The following MTAP variants were observed in gnomAD, a reference collection of about 807,000 sequenced individuals.
MTAP encodes the protein S-methyl-5'-thioadenosine phosphorylase.
In MTAP, 33 loss-of-function variants were observed where a neutral mutation model predicts 33.6. The observed-to-expected ratio is 0.98, with a 90% CI of 0.74 to 1.31. MTAP has a LOEUF of 1.31. MTAP is among the 40% of genes most tolerant of loss of function. MTAP has a pLI of 0.00. For synonymous variants in MTAP, 148 were observed against 125.7 expected (o/e 1.18, Z -1.19); for missense variants, 367 against 360.0 (o/e 1.02, Z -0.16).
chr9:21,939,827 G>T (rs1819105868), downstream of MTAP, among the ~76,000 whole-genome samples: 1 of 152,056 alleles, frequency 6.6e-6, no homozygotes, highest in Non-Finnish European at 1.5e-5. Flanking sequence ...AGGCTGAAGT[G>T]ATCTGAGATT....
chr9:21,825,398 T>G (rs1391876057), intron 4 of MTAP, among the ~76,000 whole-genome samples: 1 of 152,224 alleles, frequency 6.6e-6, no homozygotes, highest in East Asian at 1.9e-4. Context: ...TGAGATGGGA[T>G]TCTTGGATCA....
intron 1 of MTAP, among the ~76,000 whole-genome samples, chr9:21,900,948 T>C (rs773507817): frequency 2.6e-5 from 4 of 152,194 alleles, no homozygotes; most frequent in African/African-American, 4.8e-5. Context: ...TTCTCACTTA[T>C]AAGTAGAAGC....
chr9:21,875,501 A>G (rs1825993074), intron 1 of MTAP, among the ~76,000 whole-genome samples: 2 of 152,066 alleles, frequency 1.3e-5, no homozygotes, highest in Admixed American at 1.3e-4. Context: ...GCCCTTTGTC[A>G]GGTGGGTAGA....
At chr9:21,806,896 G>T (rs146986573) in intron 1 of MTAP, among the ~76,000 whole-genome samples, 166 of 152,202 alleles carry the variant, frequency 1.1e-3, no homozygotes, top group African/African-American at 3.7e-3. Context: ...AGGCGCGGTG[G>T]CTCATGCCTG....
intron 1 of MTAP, among the ~76,000 whole-genome samples, chr9:21,875,159 G>A (rs1366984986): frequency 1.3e-5 from 2 of 152,142 alleles, no homozygotes; most frequent in Admixed American, 6.5e-5. Context: ...TGTCTTTATA[G>A]TAGAATGATT....
chr9:21,859,066 A>G, intron 6 of MTAP: 2 of 377,760 alleles, frequency 5.3e-6, no homozygotes, highest in Non-Finnish European at 9.3e-6. Context: ...GAAGAATAGC[A>G]CTGGGGCCTC....
chr9:21,892,605 C>T (rs1818218126), intron 1 of MTAP: 1 of 152,178 alleles, frequency 6.6e-6, no homozygotes, highest in African/African-American at 2.4e-5. Context: ...TACTGAAGCA[C>T]TCAGATTTAT....
At chr9:21,904,941 C>T (rs1818451320) in intron 1 of MTAP, among the ~76,000 whole-genome samples, 1 of 152,162 alleles carries the variant, frequency 6.6e-6, no homozygotes, top group East Asian at 1.9e-4. Context: ...CGGGGTGTGG[C>T]TCACTTCTTT....
rs116265552 is a variant in MTAP at position 21,837,845 on chromosome 9, C to T, written c.348-63C>T. 1,897 of 1,376,194 alleles carry T rather than the reference C, an allele frequency of 1.4e-3. 15 individuals carry two copies. In the African/African-American group the frequency reaches 0.022, roughly 16 times the overall value. The allele number at this position is 1,376,194 out of a possible 1,614,324, so 85.2% of individuals were successfully genotyped here. On this transcript the variant is annotated intron_variant, in intron 4 of 7. Transcript: ENST00000644715. ...TAGATAAAGTTGACTCACCAGCCCT[C>T]GGAGGATGGAAAGATGGCCTTAAAA...
chr9:21,904,224 T>A (rs1057216395), intron 1 of MTAP, among the ~76,000 whole-genome samples: 15 of 152,190 alleles, frequency 9.9e-5, no homozygotes, highest in African/African-American at 3.4e-4. Flanking sequence ...TCTGCTGATG[T>A]GGTCCTCTCC....
At chr9:21,803,036 A>ACACACACACACCCC (rs1020757334) in intron 1 of MTAP, 1 of 1,039,826 alleles carries the variant, frequency 9.6e-7, no homozygotes, top group South Asian at 2.2e-5. Context: ...ACACACACAC[A>ACACACACACACCCC]CCACCTTTTG....
chr9:21,815,414 CT>C lies in MTAP; in HGVS notation c.34-18del. ...AAATTACCAAATACAATAATCTTCT[CT>C]GTCTTTTTCTCTCTTAGATTGGAAT... is the stretch of plus-strand genomic sequence containing the variant. On this transcript the variant is annotated intron_variant, in intron 1 of 7. Transcript: ENST00000644715. The C allele has an allele frequency of 6.6e-7, 1 of 1,505,118 alleles. No homozygotes were observed. The highest frequency in any genetic ancestry group is 9.1e-7 in the Non-Finnish European group (1 of 1,097,062). 93.2% of individuals were successfully genotyped at this position (1,505,118 alleles called of 1,614,324 possible).
chr9:21,818,136 C>T lies in MTAP; in HGVS notation c.281C>T (p.Ala94Val). The T allele has an allele frequency of 6.2e-7, 1 of 1,613,934 alleles. No homozygotes were observed. The change falls in exon 4 of 8, where the codon GCT becomes GTT. Residue 94 changes from alanine (A) to valine (V), a missense_variant. Ala to Val is a moderately conservative substitution (Grantham distance 64). Transcript: ENST00000644715. ...TGTACACATGTCATAGTGACCACAGCTTGTGGCTCCTTGAGGGAGGAGATT... is the reference window on the plus strand; with the variant it reads ...TGTACACATGTCATAGTGACCACAGTTTGTGGCTCCTTGAGGGAGGAGATT... ...EGCTHVIVTT[A>V]CGSLREEIQP...
intron 6 of MTAP, chr9:21,856,116 ATCGT>A (rs1263666367): frequency 2.0e-6 from 2 of 979,694 alleles, no homozygotes; most frequent in Non-Finnish European, 2.4e-6. Flanking sequence ...AATAAACTAG[ATCGT>A]TCGTCCTGTC....
intron 1 of MTAP, among the ~76,000 whole-genome samples, chr9:21,896,194 A>T (rs866866603): frequency 2.6e-4 from 39 of 152,340 alleles, no homozygotes; most frequent in Non-Finnish European, 4.7e-4. Flanking sequence ...GCAGAAATAA[A>T]GATGTCCTTT....
intron 1 of MTAP, chr9:21,813,869 T>G (rs1051962978): frequency 6.6e-6 from 1 of 152,192 alleles, no homozygotes; most frequent in Non-Finnish European, 1.5e-5. Flanking sequence ...TAAGGAAGGA[T>G]TGGGATTTCC....
chr9:21,905,384 C>T lies in MTAP; in HGVS notation c.148-25624C>T, dbSNP rs540269891. Among the ~76,000 whole-genome samples, 8 of 152,020 alleles carry T rather than the reference C, an allele frequency of 5.3e-5. No homozygotes were observed. In the East Asian group the frequency reaches 1.6e-3, roughly 29 times the overall value. On this transcript the variant is annotated intron_variant, in intron 1 of 1. Coordinates refer to the MTAP transcript ENST00000577563. ...GGGGGCGTGGCATTTCCCTGCCCCC[C>T]TCCCTGTATCAAATAGACTGCAGTT...
At chr9:21,816,036 T>C (rs992416325) in intron 2 of MTAP, among the ~76,000 whole-genome samples, 4 of 152,208 alleles carry the variant, frequency 2.6e-5, no homozygotes, top group African/African-American at 4.8e-5. Flanking sequence ...GGTTGCTTGT[T>C]CTCCAAGCCC....
chr9:21,885,920 A>G (rs1464407103), intron 1 of MTAP, among the ~76,000 whole-genome samples: 3 of 152,016 alleles, frequency 2.0e-5, no homozygotes, highest in African/African-American at 2.4e-5. Flanking sequence ...AAACATGCCT[A>G]TGCAAGTGTC....
Sources: allele counts gnomAD v4.1 joint callset (sites outside exome capture counted in the v4.1 genomes callset), GRCh38; gene constraint gnomAD v4.1.1; transcripts MANE v1.5; gene names NCBI Gene and HGNC (gene_info 2026-07-23, HGNC 2026-07-21).